The following FHIT variants were observed in gnomAD, a reference collection of about 807,000 sequenced individuals.
FHIT encodes the protein bis(5'-adenosyl)-triphosphatase.
FHIT carries 19 observed loss-of-function variants against 17.9 expected under a neutral mutation model. The observed-to-expected ratio is 1.06, with a 90% CI of 0.74 to 1.56. The LOEUF is 1.56. Among genes scored for constraint, FHIT ranks in the 40% most tolerant of loss-of-function variants. The pLI is 0.00. For missense variants in FHIT, 248 were observed against 189.2 expected (o/e 1.31, Z -1.82); for synonymous variants, 81 against 69.7 (o/e 1.16, Z -0.81).
At chr3:60,495,051 G>C (rs1181860912) in intron 5 of FHIT, among the ~76,000 whole-genome samples, 1 of 152,148 alleles carries the variant, frequency 6.6e-6, no homozygotes, top group Non-Finnish European at 1.5e-5. Flanking sequence ...CCTCCAAACT[G>C]TTCTCCTTAG....
intron 3 of FHIT, among the ~76,000 whole-genome samples, chr3:60,989,436 T>C (rs1003445717): frequency 2.0e-5 from 3 of 152,120 alleles, no homozygotes; most frequent in African/African-American, 7.2e-5. Flanking sequence ...TAAGATATCA[T>C]ATTACGGAAA....
chr3:60,592,349 G>A (rs2038115774), intron 4 of FHIT, among the ~76,000 whole-genome samples: 2 of 151,544 alleles, frequency 1.3e-5, no homozygotes, highest in South Asian at 4.2e-4. Context: ...TAAAAAATAT[G>A]TATCTAGTCT....
At chr3:60,700,650 C>A (rs1553701890) in intron 4 of FHIT, among the ~76,000 whole-genome samples, 1 of 151,998 alleles carries the variant, frequency 6.6e-6, no homozygotes, top group African/African-American at 2.4e-5. Context: ...AGCAAGTGTA[C>A]CATTAATTTT....
chr3:60,719,463 T>C (rs1553707545), intron 4 of FHIT, among the ~76,000 whole-genome samples: 3 of 152,162 alleles, frequency 2.0e-5, no homozygotes, highest in African/African-American at 4.8e-5. Flanking sequence ...TCAGGAGCTG[T>C]AGAGTTTATG....
At chr3:61,155,579 C>T (rs1576118595) in intron 2 of FHIT, among the ~76,000 whole-genome samples, 1 of 152,146 alleles carries the variant, frequency 6.6e-6, no homozygotes, top group East Asian at 1.9e-4. Context: ...ACATTTGCTT[C>T]ATTCATCTTC....
chr3:60,460,275 T>C (rs1478235446), intron 5 of FHIT, among the ~76,000 whole-genome samples: 1 of 152,186 alleles, frequency 6.6e-6, no homozygotes, highest in African/African-American at 2.4e-5. Flanking sequence ...AAAATCATTG[T>C]CCAAGTGTCC....
intron 4 of FHIT, among the ~76,000 whole-genome samples, chr3:60,665,240 G>T (rs1191756120): frequency 6.6e-6 from 1 of 151,980 alleles, no homozygotes; most frequent in Non-Finnish European, 1.5e-5. Flanking sequence ...GAGATAAAAA[G>T]TATATTCTGC....
intron 8 of FHIT, among the ~76,000 whole-genome samples, chr3:59,907,873 G>A (rs1466185528): frequency 6.6e-6 from 1 of 152,176 alleles, no homozygotes; most frequent in Non-Finnish European, 1.5e-5. Context: ...AGCTTCTAGA[G>A]GCTGCCTGAA....
At chr3:60,287,850 C>T (rs1380826488) in intron 5 of FHIT, among the ~76,000 whole-genome samples, 1 of 152,164 alleles carries the variant, frequency 6.6e-6, no homozygotes, top group Non-Finnish European at 1.5e-5. Flanking sequence ...CTTTCATTTA[C>T]TACTGATATG....
chr3:60,145,613 T>C (rs1412746781), intron 5 of FHIT, among the ~76,000 whole-genome samples: 3 of 152,150 alleles, frequency 2.0e-5, no homozygotes, highest in Non-Finnish European at 4.4e-5. Flanking sequence ...GAAACAAACA[T>C]AGGATTCACA....
At chr3:61,129,898 T>C (rs933433296) in intron 2 of FHIT, among the ~76,000 whole-genome samples, 1 of 152,194 alleles carries the variant, frequency 6.6e-6, no homozygotes, top group Non-Finnish European at 1.5e-5. Context: ...AAGAAATTTA[T>C]ATCTTCACTT....
At chr3:60,914,578 T>C (rs1038588601) in intron 3 of FHIT, among the ~76,000 whole-genome samples, 1 of 151,654 alleles carries the variant, frequency 6.6e-6, no homozygotes, top group Non-Finnish European at 1.5e-5. Flanking sequence ...GCCAAGGGAA[T>C]GGGGTCATAG....
chr3:60,593,848 GTCAA>G (rs1304614394), intron 4 of FHIT, among the ~76,000 whole-genome samples: 2 of 152,068 alleles, frequency 1.3e-5, no homozygotes, highest in Admixed American at 6.6e-5. Flanking sequence ...GGGTCAGAAA[GTCAA>G]TCAAATTCTA....
chr3:60,271,114 C>T (rs1706846009), intron 5 of FHIT, among the ~76,000 whole-genome samples: 1 of 152,258 alleles, frequency 6.6e-6, no homozygotes, highest in Non-Finnish European at 1.5e-5. Context: ...CTTGTTAGCA[C>T]AGAAGCCACG....
intron 4 of FHIT, among the ~76,000 whole-genome samples, chr3:60,591,832 C>G (rs907034899): frequency 1.3e-5 from 2 of 152,046 alleles, no homozygotes; most frequent in African/African-American, 4.8e-5. Flanking sequence ...AATTGTCTGG[C>G]TCTACCTTAC....
intron 5 of FHIT, among the ~76,000 whole-genome samples, chr3:60,068,671 A>G (rs1702625847): frequency 6.6e-6 from 1 of 152,238 alleles, no homozygotes; most frequent in Admixed American, 6.5e-5. Context: ...GAAATACTTG[A>G]TTTCATACAC....
chr3:60,652,304 T>G (rs1553688455), intron 4 of FHIT, among the ~76,000 whole-genome samples: 1 of 152,154 alleles, frequency 6.6e-6, no homozygotes, highest in East Asian at 1.9e-4. Context: ...TCATTAGTGT[T>G]AAAACCTCAC....
At chr3:60,716,529 C>T (rs962682391) in intron 4 of FHIT, among the ~76,000 whole-genome samples, 2 of 152,112 alleles carry the variant, frequency 1.3e-5, no homozygotes, top group African/African-American at 2.4e-5. Flanking sequence ...GGGGCAGTAA[C>T]AGGCATGAAG....
At chr3:60,282,695 C>T (rs866931605) in intron 5 of FHIT, among the ~76,000 whole-genome samples, 80 of 152,000 alleles carry the variant, frequency 5.3e-4, no homozygotes, top group Middle Eastern at 3.4e-3. Context: ...AGTGGCGACA[C>T]GGAAGGAAAA....
Sources: allele counts gnomAD v4.1 joint callset (sites outside exome capture counted in the v4.1 genomes callset), GRCh38; gene constraint gnomAD v4.1.1; transcripts MANE v1.5; gene names NCBI Gene and HGNC (gene_info 2026-07-23, HGNC 2026-07-21).